The following EXOC6B variants were observed in gnomAD, a reference collection of about 807,000 sequenced individuals.
EXOC6B encodes the protein exocyst complex component 6B.
A neutral mutation model predicts 113.5 loss-of-function variants in EXOC6B; 54 were observed. The ratio of observed to expected loss-of-function variants is 0.48; its 90% confidence interval spans 0.38 to 0.60. The LOEUF is 0.60. EXOC6B is among the 20% of genes least tolerant of loss of function. EXOC6B has a pLI of 0.00. For missense variants in EXOC6B, 797 were observed against 977.5 expected, an observed-to-expected ratio of 0.82 and a Z score of 2.46; for synonymous variants, 357 against 339.0, an observed-to-expected ratio of 1.05 and a Z score of -0.58.
At chr2:72,580,135 A>ATTT (rs1205164863) in intron 6 of EXOC6B, among the ~76,000 whole-genome samples, 90 of 93,722 alleles carry the variant, frequency 9.6e-4, no homozygotes, top group South Asian at 1.7e-3. Flanking sequence ...AGAAATAAGA[A>ATTT]TTTTTTTTTT....
At chr2:72,261,067 G>A (rs771792296) in intron 20 of EXOC6B, among the ~76,000 whole-genome samples, 1 of 151,990 alleles carries the variant, frequency 6.6e-6, no homozygotes, top group Non-Finnish European at 1.5e-5. Flanking sequence ...ACTCTTGCAG[G>A]CTCCCAGAAT....
At chr2:72,683,357 T>C (rs1287436282) in intron 6 of EXOC6B, among the ~76,000 whole-genome samples, 1 of 152,152 alleles carries the variant, frequency 6.6e-6, no homozygotes, top group Non-Finnish European at 1.5e-5. Context: ...AGTTAAATTA[T>C]GTTATTTATA....
chr2:72,450,000 G>A (rs1696818038), intron 18 of EXOC6B, among the ~76,000 whole-genome samples: 1 of 152,134 alleles, frequency 6.6e-6, no homozygotes, highest in African/African-American at 2.4e-5. Flanking sequence ...GAGCAACTAG[G>A]TATTCAAATC....
intron 1 of EXOC6B, among the ~76,000 whole-genome samples, chr2:72,785,792 G>A (rs1248256748): frequency 6.6e-6 from 1 of 152,282 alleles, no homozygotes; most frequent in Non-Finnish European, 1.5e-5. Context: ...TAGTCTAGGG[G>A]ATTAACATTA....
chr2:72,729,509 C>T (rs891346338), intron 5 of EXOC6B, among the ~76,000 whole-genome samples: 9 of 150,486 alleles, frequency 6.0e-5, no homozygotes, highest in African/African-American at 1.5e-4. Flanking sequence ...CTCCCAAATT[C>T]GAGCTATCAT....
At chr2:72,389,459 T>C (rs763447466) in intron 18 of EXOC6B, among the ~76,000 whole-genome samples, 4 of 152,050 alleles carry the variant, frequency 2.6e-5, no homozygotes, top group Non-Finnish European at 4.4e-5. Flanking sequence ...GTAAAAACTT[T>C]TTTATCTTAA....
intron 1 of EXOC6B, among the ~76,000 whole-genome samples, chr2:72,767,638 C>T (rs114630959): frequency 0.012 from 1,742 of 150,168 alleles, 29 homozygotes; most frequent in African/African-American, 0.041. Flanking sequence ...GGCAAAACCC[C>T]ATCTCTACAA....
intron 1 of EXOC6B, among the ~76,000 whole-genome samples, chr2:72,823,491 A>AAAAAACAC (rs1278377225): frequency 6.7e-6 from 1 of 150,290 alleles, no homozygotes; most frequent in African/African-American, 2.4e-5. Context: ...AAAAACAAAA[A>AAAAAACAC]AAAAGACAGT....
At chr2:72,410,615 C>T (rs1038575929) in intron 18 of EXOC6B, among the ~76,000 whole-genome samples, 35 of 152,188 alleles carry the variant, frequency 2.3e-4, no homozygotes, top group African/African-American at 7.5e-4. Context: ...AAAAATCACA[C>T]ACCACATGTT....
chr2:72,644,010 G>T (rs1673484651), intron 6 of EXOC6B, among the ~76,000 whole-genome samples: 1 of 152,016 alleles, frequency 6.6e-6, no homozygotes, highest in African/African-American at 2.4e-5. Context: ...AGCTAAAGAA[G>T]GATGTTCAAA....
chr2:72,654,290 T>C (rs1337888296), intron 6 of EXOC6B, among the ~76,000 whole-genome samples: 2 of 152,174 alleles, frequency 1.3e-5, no homozygotes, highest in African/African-American at 2.4e-5. Context: ...CTTTTAGAGA[T>C]CAGATTTTTC....
At position 72,601,103 on chromosome 2, in the gene EXOC6B, T is replaced by C. The variant is rs887852107; in HGVS notation, c.670-25435A>G. On this transcript the variant is annotated intron_variant, in intron 6 of 21. Transcript: ENST00000272427. ...ACCATTATAGACTTGTATGGCTACA[T>C]ATATATATATGTGTGTGTGTATGTG... Among the ~76,000 whole-genome samples the C allele has an allele frequency of 4.1e-5, 6 of 148,128 alleles. No homozygotes were observed. The South Asian group carries it at 6.6e-4, about 16-fold the overall frequency.
chr2:72,662,108 G>T (rs1675063552), intron 6 of EXOC6B, among the ~76,000 whole-genome samples: 1 of 109,188 alleles, frequency 9.2e-6, no homozygotes, highest in South Asian at 4.0e-4. Flanking sequence ...GGGAAGGAGA[G>T]AAGGGGGGAG....
At chr2:72,254,749 C>T (rs764177153) in intron 20 of EXOC6B, among the ~76,000 whole-genome samples, 8 of 152,130 alleles carry the variant, frequency 5.3e-5, no homozygotes, top group Non-Finnish European at 1.2e-4. Flanking sequence ...TGGTGGCTCA[C>T]ACCTATAATC....
intron 7 of EXOC6B, 150 bp from the exon 8 acceptor site, chr2:72,559,671 C>A: frequency 1.7e-6 from 1 of 604,206 alleles, no homozygotes; most frequent in Non-Finnish European, 2.9e-6. Context: ...AAATAGGTTT[C>A]CAAAGACCTA....
At chr2:72,811,932 G>A in intron 1 of EXOC6B, among the ~76,000 whole-genome samples, 1 of 152,102 alleles carries the variant, frequency 6.6e-6, no homozygotes, top group East Asian at 1.9e-4. Context: ...AAAACCTAAA[G>A]TTAACATGAT....
chr2:72,199,483 A>C (rs1049138973), intron 20 of EXOC6B, among the ~76,000 whole-genome samples: 2 of 152,212 alleles, frequency 1.3e-5, no homozygotes, highest in Admixed American at 6.5e-5. Context: ...TTTTATAGGC[A>C]GAGGGTAAGG....
At chr2:72,793,367 ATAGAGTAACTTTACAAAATAAAGGCT>A (rs1684783209) in intron 1 of EXOC6B, among the ~76,000 whole-genome samples, 1 of 152,250 alleles carries the variant, frequency 6.6e-6, no homozygotes, top group African/African-American at 2.4e-5. Context: ...TGCATTTAAT[ATAGAGTAACTTTACAAAATAAAGGCT>A]TATCTCTCAC....
chr2:72,818,300 A>G (rs1686384334), intron 1 of EXOC6B, among the ~76,000 whole-genome samples: 1 of 148,684 alleles, frequency 6.7e-6, no homozygotes, highest in Non-Finnish European at 1.5e-5. Context: ...GCCTGCCACC[A>G]GGCCCAGCTA....
Sources: gnomAD v4.1 joint callset for allele counts (sites outside exome capture counted in the v4.1 genomes callset) on GRCh38, gnomAD v4.1.1 for gene constraint, MANE v1.5 for transcripts, NCBI Gene and HGNC (gene_info 2026-07-23, HGNC 2026-07-21) for gene names.